The following PDE4D variants were observed in gnomAD, a reference collection of about 807,000 sequenced individuals.
PDE4D encodes the protein 3',5'-cyclic-AMP phosphodiesterase 4D.
PDE4D carries 24 observed loss-of-function variants against 87.4 expected under a neutral mutation model. The ratio of observed to expected loss-of-function variants is 0.27; its 90% CI spans 0.20 to 0.39. The LOEUF (loss-of-function observed/expected upper bound fraction) is 0.39, where lower values mean the gene tolerates loss of function less well. PDE4D is among the 10% of genes least tolerant of loss of function. PDE4D has a pLI of 1.00. For missense variants in PDE4D, 714 were observed against 1,041.0 expected (o/e 0.69, Z 4.32); for synonymous variants, 384 against 383.2 (o/e 1.00, Z -0.02).
chr5:60,000,157 G>A (rs1763894764), intron 2 of PDE4D, among the ~76,000 whole-genome samples: 1 of 151,520 alleles, frequency 6.6e-6, no homozygotes, highest in Non-Finnish European at 1.5e-5. Context: ...AAAGAGAGAA[G>A]GACAGAAAGC....
chr5:60,184,183 CAAG>C (rs1359287041), intron 2 of PDE4D, among the ~76,000 whole-genome samples: 1 of 152,076 alleles, frequency 6.6e-6, no homozygotes, highest in East Asian at 1.9e-4. Context: ...TGTTTTCCTC[CAAG>C]AATAGGGAAA....
chr5:60,500,516 G>A (rs1750022198), intron 1 of PDE4D, among the ~76,000 whole-genome samples: 1 of 152,178 alleles, frequency 6.6e-6, no homozygotes. Context: ...TAGATGTTAA[G>A]TAATTTATAT....
intron 6 of PDE4D, among the ~76,000 whole-genome samples, chr5:59,005,362 G>A (rs546589544): frequency 2.2e-4 from 34 of 152,172 alleles, no homozygotes; most frequent in Non-Finnish European, 4.1e-4. Context: ...CTGCAATAAG[G>A]GAGATTATTT....
In PDE4D at chr5:59,002,137, C is replaced by T. The variant is rs956640181; in HGVS notation, c.922-8672G>A. 3 of 458,848 alleles carry T rather than the reference C, an allele frequency of 6.5e-6. No individual in the cohort carries two copies. The Admixed American group carries it at 7.2e-5, about 11-fold the overall frequency. 28.4% of individuals were successfully genotyped at this position (458,848 alleles called of 1,614,324 possible). A position where few individuals can be genotyped will look rare whatever the true frequency, so the allele number is the denominator to read the frequency against. On this transcript the variant is annotated intron_variant, in intron 6 of 14. Transcript: ENST00000340635. ...ATAGAAAGTAACTTTAATATCACCC[C>T]CTCTAACTCCCTCATTTCCACATAA...
At chr5:60,244,984 AAC>A (rs1747585169) in intron 1 of PDE4D, among the ~76,000 whole-genome samples, 2 of 152,050 alleles carry the variant, frequency 1.3e-5, no homozygotes, top group African/African-American at 4.8e-5. Context: ...CAGTAAAGGA[AAC>A]AGTCAACAAA....
chr5:59,228,231 A>T (rs1375911070), intron 1 of PDE4D, among the ~76,000 whole-genome samples: 1 of 152,164 alleles, frequency 6.6e-6, no homozygotes, highest in Non-Finnish European at 1.5e-5. Context: ...AGAGAGGAAC[A>T]ATAGACACTG....
intron 2 of PDE4D, among the ~76,000 whole-genome samples, chr5:60,046,275 A>T (rs9764542): frequency 0.5 from 75,470 of 151,458 alleles, 19,187 homozygotes; most frequent in East Asian, 0.83. Context: ...GGCTGAGACA[A>T]TGGGGTTTTC....
Position 59,649,904 on chromosome 5 carries a change from CCTTTTTTTTTTTTTT to C in PDE4D, c.455+243249_455+243263del, listed in dbSNP as rs991414066. On this transcript the variant is annotated intron_variant, in intron 1 of 14. Coordinates refer to ENST00000340635, the MANE Select transcript of PDE4D (RefSeq NM_001104631.2). The stretch of plus-strand genomic sequence containing the variant: ...TGTTAAAATGTTGATAGTTTGTGAA[CCTTTTTTTTTTTTTT>C]TTTTTTTTTTTTTAGCAATGACCCA... Among the ~76,000 whole-genome samples the C allele has an allele frequency of 1.8e-4, 13 of 73,974 alleles. 3 individuals are homozygous for C. In the Admixed American group the frequency reaches 2.0e-3, roughly 11 times the overall value. The allele number at this position is 73,974 out of a possible 152,430, so 48.5% of individuals were successfully genotyped here. A position where few individuals can be genotyped will look rare whatever the true frequency, so the allele number is the denominator to read the frequency against.
At chr5:59,607,815 A>T (rs1483968054) in intron 1 of PDE4D, among the ~76,000 whole-genome samples, 1 of 152,136 alleles carries the variant, frequency 6.6e-6, no homozygotes, top group Non-Finnish European at 1.5e-5. Context: ...CGCTTCTAAC[A>T]TACTGTCTGC....
intron 1 of PDE4D, among the ~76,000 whole-genome samples, chr5:60,393,637 A>G (rs1561202296): frequency 6.6e-6 from 1 of 152,234 alleles, no homozygotes; most frequent in East Asian, 1.9e-4. Flanking sequence ...TTCAAATTCA[A>G]CAACCAATTC....
At chr5:59,167,969 C>T (rs1434383224) in intron 5 of PDE4D, among the ~76,000 whole-genome samples, 4 of 151,886 alleles carry the variant, frequency 2.6e-5, no homozygotes, top group African/African-American at 7.3e-5. Flanking sequence ...AGAAACATAT[C>T]CAGAAAAGAA....
chr5:59,217,062 C>T (rs1347266565), intron 1 of PDE4D, among the ~76,000 whole-genome samples: 2 of 150,584 alleles, frequency 1.3e-5, no homozygotes, highest in Non-Finnish European at 3.0e-5. Context: ...CTCAGCAATA[C>T]ATATTTTAGA....
chr5:59,621,523 T>C (rs1830355624), intron 1 of PDE4D, among the ~76,000 whole-genome samples: 2 of 152,200 alleles, frequency 1.3e-5, no homozygotes, highest in Admixed American at 6.5e-5. Context: ...CTTACAAAAG[T>C]ATCAAAATAA....
chr5:59,827,392 T>C (rs542516294), intron 1 of PDE4D, among the ~76,000 whole-genome samples: 2 of 152,268 alleles, frequency 1.3e-5, no homozygotes, highest in South Asian at 2.1e-4. Context: ...TTAAACATTG[T>C]TGCATCATTG....
chr5:59,442,216 A>T (rs1385495505), intron 1 of PDE4D, among the ~76,000 whole-genome samples: 1 of 152,228 alleles, frequency 6.6e-6, no homozygotes, highest in Admixed American at 6.5e-5. Context: ...ATCTTGGAAG[A>T]TCATTCAGAT....
chr5:59,117,812 T>TG (rs1485522923), intron 5 of PDE4D, among the ~76,000 whole-genome samples: 8 of 151,044 alleles, frequency 5.3e-5, no homozygotes, highest in Non-Finnish European at 1.0e-4. Flanking sequence ...TTTAACTTTT[T>TG]TTTTTTTTTT....
chr5:60,467,020 A>T (rs1323781273), intron 1 of PDE4D, among the ~76,000 whole-genome samples: 1 of 151,316 alleles, frequency 6.6e-6, no homozygotes. Flanking sequence ...AATTTTAAAT[A>T]TTTTTTTATT....
At chr5:59,521,802 A>G (rs566012711) in intron 1 of PDE4D, among the ~76,000 whole-genome samples, 1 of 152,274 alleles carries the variant, frequency 6.6e-6, no homozygotes, top group Non-Finnish European at 1.5e-5. Context: ...CCTGTCTGTT[A>G]TAATATTTGA....
chr5:60,484,975 C>T (rs193081069), intron 1 of PDE4D, among the ~76,000 whole-genome samples: 43 of 152,178 alleles, frequency 2.8e-4, no homozygotes, highest in African/African-American at 8.7e-4. Context: ...GCTTAGAAAA[C>T]GTTTCATGGC....
Sources: allele counts gnomAD v4.1 joint callset (sites outside exome capture counted in the v4.1 genomes callset), GRCh38; gene constraint gnomAD v4.1.1; transcripts MANE v1.5; gene names NCBI Gene and HGNC (gene_info 2026-07-23, HGNC 2026-07-21).